CFHR4: variants seen among roughly 807,000 people sequenced by gnomAD.
CFHR4 encodes complement factor H-related protein 4.
CFHR4 carries 64 observed loss-of-function variants against 69.3 expected under a neutral mutation model. The observed-to-expected ratio is 0.92, with a 90% CI of 0.76 to 1.14. CFHR4 has a LOEUF of 1.14. CFHR4 is among the 50% of genes most tolerant of loss of function. The pLI, the probability that CFHR4 is intolerant of heterozygous loss-of-function variation, is 0.00. For synonymous variants in CFHR4, 244 were observed against 237.0 expected (o/e 1.03, Z -0.27); for missense variants, 636 against 684.9 (o/e 0.93, Z 0.80).
chr1:196,902,550 C>T lies in CFHR4; in HGVS notation c.191C>T (p.Ser64Leu). 1.2e-6 allele frequency: 2 copies of T among 1,612,268 alleles called. No individual in the cohort carries two copies. Among genetic ancestry groups the T allele is most frequent in the Non-Finnish European group, 1.7e-6 (2 of 1,179,220 alleles). The change falls in exon 2 of 10, where the codon TCA (serine) becomes TTA (leucine). Residue 64 changes from serine to leucine, a missense_variant. Ser to Leu is a moderately radical substitution (Grantham distance 145, BLOSUM62 -2). Transcript: ENST00000608469. ...TGTGATCAAAATTTTGTGACTCCTTCAGGAAGTTACTGGGATTACATTCAT... is the reference window on the plus strand; with the variant it reads ...TGTGATCAAAATTTTGTGACTCCTTTAGGAAGTTACTGGGATTACATTCAT... ...YYCDQNFVTP[S>L]GSYWDYIHCT...
rs140571099 is a variant in CFHR4 at position 196,904,777 on chromosome 1, G to A, written c.257-331G>A. On this transcript the variant is annotated intron_variant, in intron 2 of 9. Coordinates refer to ENST00000608469, the MANE Select transcript of CFHR4 (RefSeq NM_001201550.3). Reference sequence around the variant, plus strand: ...AAATGAAGTCTAAGACCTCTTAATAGCACCAGAAAGGTTCAGGTTATTGCA... The same window carrying A: ...AAATGAAGTCTAAGACCTCTTAATAACACCAGAAAGGTTCAGGTTATTGCA... 1.7e-3 allele frequency among the ~76,000 whole-genome samples: 258 copies of A among 151,612 alleles called. 8 individuals are homozygous for A. Among genetic ancestry groups the A allele is most frequent in the African/African-American group, 5.9e-3 (243 of 41,182 alleles).
At chr1:196,905,613 C>A (rs1056384694) in intron 3 of CFHR4, among the ~76,000 whole-genome samples, 2 of 151,438 alleles carry the variant, frequency 1.3e-5, no homozygotes, top group Non-Finnish European at 1.5e-5. Context: ...GTTCTTTTCC[C>A]TTTCTTTGTA....
At chr1:196,906,179 GA>G (rs751918519) in intron 3 of CFHR4, among the ~76,000 whole-genome samples, 1 of 151,422 alleles carries the variant, frequency 6.6e-6, no homozygotes, top group Non-Finnish European at 1.5e-5. Context: ...GAACATGGAT[GA>G]ATCTCAAAAA....
chr1:196,901,004 A>G (rs1657571796), intron 1 of CFHR4, among the ~76,000 whole-genome samples: 1 of 151,574 alleles, frequency 6.6e-6, no homozygotes, highest in African/African-American at 2.4e-5. Context: ...AACCGGTTGA[A>G]AAATTTTTCT....
At chr1:196,913,371 C>A (rs1217143099) in intron 7 of CFHR4, among the ~76,000 whole-genome samples, 1 of 151,268 alleles carries the variant, frequency 6.6e-6, no homozygotes, top group Non-Finnish European at 1.5e-5. Flanking sequence ...GAGAATCAGA[C>A]CGTAATAATT....
intron 9 of CFHR4, among the ~76,000 whole-genome samples, chr1:196,917,628 T>TAG (rs1461408600): frequency 2.6e-5 from 4 of 151,130 alleles, no homozygotes; most frequent in Non-Finnish European, 5.9e-5. Context: ...ATGATGGTGA[T>TAG]AGAGAGAGAG....
rs139530620 is a variant in CFHR4, at chr1:196,903,423, C to T, written c.256+808C>T. On this transcript the variant is annotated intron_variant, in intron 2 of 9. Transcript: ENST00000608469. The stretch of plus-strand genomic sequence containing the variant: ...ATCCCAGGACTGTGGGAGACCGAGA[C>T]GGGCAGATCACTTTAGGTGAGGAGT... Among the ~76,000 whole-genome samples, 629 of 150,948 alleles carry T rather than the reference C, an allele frequency of 4.2e-3. 19 individuals are homozygous for T. The highest frequency in any genetic ancestry group is 0.02 in the East Asian group (104 of 5,118).
chr1:196,909,911 G>A (rs1658145528), intron 5 of CFHR4, among the ~76,000 whole-genome samples: 1 of 151,112 alleles, frequency 6.6e-6, no homozygotes, highest in Admixed American at 6.6e-5. Flanking sequence ...CAGGACTTTG[G>A]GAAGCCAAAG....
chr1:196,893,396 C>T (rs1657131921), intron 1 of CFHR4, among the ~76,000 whole-genome samples: 1 of 151,340 alleles, frequency 6.6e-6, no homozygotes, highest in Non-Finnish European at 1.5e-5. Context: ...CAGATATTGC[C>T]ATATGTTGCT....
chr1:196,892,280 T>A (rs1363177882), intron 1 of CFHR4, among the ~76,000 whole-genome samples: 2 of 151,558 alleles, frequency 1.3e-5, no homozygotes, highest in East Asian at 3.9e-4. Flanking sequence ...ATCACTAATT[T>A]ATACACAGGA....
rs1657969818 is a variant in CFHR4, at chr1:196,907,358, G to T, written c.659G>T (p.Gly220Val). 1.2e-6 allele frequency: 2 copies of T among 1,611,566 alleles called. No individual in the cohort carries two copies. Among genetic ancestry groups the T allele is most frequent in the South Asian group, 1.1e-5 (1 of 90,996 alleles). ...GGGCCTCCTCCACCTATTAGCAATG[G>T]AGATACCACGTCCTTCCCGCAAAAA... ...NCGPPPPISN[G>V]DTTSFPQKVY... Residue 220 changes from glycine (G) to valine (V), a missense_variant, in exon 5 of 10, where the codon GGA (glycine) becomes GTA (valine). By Grantham distance (109) the Gly-to-Val change is moderately radical. Transcript: ENST00000608469.
intron 1 of CFHR4, among the ~76,000 whole-genome samples, chr1:196,890,658 T>C (rs1017947848): frequency 2.0e-5 from 3 of 151,558 alleles, no homozygotes; most frequent in African/African-American, 7.3e-5. Context: ...TGCTTCTAAA[T>C]CTCTTTCAAA....
intron 5 of CFHR4, among the ~76,000 whole-genome samples, chr1:196,908,049 A>G (rs1658013019): frequency 6.6e-6 from 1 of 151,426 alleles, no homozygotes; most frequent in Non-Finnish European, 1.5e-5. Context: ...TCAGCAAACT[A>G]TCACAAGAAC....
At chr1:196,894,614 G>T (rs938816496) in intron 1 of CFHR4, among the ~76,000 whole-genome samples, 2 of 151,202 alleles carry the variant, frequency 1.3e-5, no homozygotes, top group African/African-American at 2.4e-5. Context: ...TTCTTTTAGC[G>T]TTTTGAACAT....
intron 1 of CFHR4, among the ~76,000 whole-genome samples, chr1:196,897,566 G>C (rs1657368930): frequency 6.6e-6 from 1 of 151,332 alleles, no homozygotes; most frequent in Admixed American, 6.6e-5. Flanking sequence ...AAGTTGGATA[G>C]GGAGCCCGAA....
chr1:196,901,824 AT>A (rs1657626608), intron 1 of CFHR4, among the ~76,000 whole-genome samples: 1 of 151,192 alleles, frequency 6.6e-6, no homozygotes, highest in Non-Finnish European at 1.5e-5. Flanking sequence ...AAAAATGCTT[AT>A]TACACTCTTA....
At chr1:196,918,140 T>A in intron 9 of CFHR4, 70 bp from the exon 10 acceptor site, 1 of 1,478,882 alleles carries the variant, frequency 6.8e-7, no homozygotes, top group Non-Finnish European at 9.2e-7. Context: ...AAACTACTCA[T>A]TAGGATGCAT....
intron 6 of CFHR4, among the ~76,000 whole-genome samples, chr1:196,912,024 A>G (rs984947173): frequency 1.3e-5 from 2 of 151,404 alleles, no homozygotes; most frequent in Non-Finnish European, 2.9e-5. Context: ...CTAATTAGAA[A>G]AGAACATATA....
rs183107420 is a variant in CFHR4 at position 196,913,433 on chromosome 1, A to T, written c.1180+511A>T. On this transcript the variant is annotated intron_variant, in intron 7 of 9. Transcript: ENST00000608469. ...CCAATCAAAAAATTATCTCTACCCT[A>T]TTGTTTACTACAGAGAAAACAAGTA... is the stretch of plus-strand genomic sequence containing the variant. 5.1e-4 allele frequency among the ~76,000 whole-genome samples: 78 copies of T among 151,464 alleles called. No homozygotes were observed. In the East Asian group the frequency reaches 5.8e-3, roughly 11 times the overall value.
Sources: allele counts gnomAD v4.1 joint callset (sites outside exome capture counted in the v4.1 genomes callset), GRCh38; gene constraint gnomAD v4.1.1; transcripts MANE v1.5; gene names NCBI Gene and HGNC (gene_info 2026-07-23, HGNC 2026-07-21).